The following SLIT2 variants were observed in gnomAD, a reference collection of about 807,000 sequenced individuals.
The protein encoded by SLIT2 is slit guidance ligand 2.
SLIT2 carries 41 observed loss-of-function variants against 185.7 expected under a neutral mutation model. The observed-to-expected ratio is 0.22, with a 90% CI of 0.17 to 0.29. The LOEUF (loss-of-function observed/expected upper bound fraction) is 0.29, where lower values mean the gene tolerates loss of function less well. Among genes scored for constraint, SLIT2 ranks in the 10% least tolerant of loss-of-function variants. The pLI is 1.00. For missense variants in SLIT2, 1,571 were observed against 1,909.0 expected, an observed-to-expected ratio of 0.82 and a Z score of 3.30; for synonymous variants, 693 against 680.2, an observed-to-expected ratio of 1.02 and a Z score of -0.29.
chr4:20,472,613 T>TATATCGATATATATAG (rs1715641431), intron 5 of SLIT2, among the ~76,000 whole-genome samples: 2 of 104,330 alleles, frequency 1.9e-5, no homozygotes, highest in African/African-American at 7.8e-5. Context: ...GATATATCTA[T>TATATCGATATATATAG]ATATATCGAT....
rs550048974 is a variant in SLIT2, at chr4:20,301,872, C to T, written c.395+32991C>T. 2.8e-4 allele frequency among the ~76,000 whole-genome samples: 42 copies of T among 152,194 alleles called. 1 individual carries two copies. In the East Asian group the frequency reaches 2.9e-3, roughly 11 times the overall value. On this transcript the variant is annotated intron_variant, in intron 4 of 36. Transcript: ENST00000504154. ...CTCCCTAACTATGCTAGACAGTGAT[C>T]GGGCTAAATGTTCATCAGGCTCAAT...
intron 4 of SLIT2, among the ~76,000 whole-genome samples, chr4:20,304,360 G>A (rs1717339786): frequency 6.6e-6 from 1 of 152,148 alleles, no homozygotes; most frequent in Admixed American, 6.6e-5. Flanking sequence ...GTAATACAGA[G>A]TGTATTTGCA....
At chr4:20,518,924 C>T (rs560651140) in intron 11 of SLIT2, among the ~76,000 whole-genome samples, 20 of 151,952 alleles carry the variant, frequency 1.3e-4, no homozygotes, top group African/African-American at 4.8e-4. Context: ...ATTTTTAAAA[C>T]AAAACTAACA....
At position 20,254,988 on chromosome 4, in the gene SLIT2, G is replaced by A; in HGVS notation, c.179+994G>A. On this transcript the variant is annotated intron_variant, in intron 1 of 36. Coordinates refer to ENST00000504154, the MANE Select transcript of SLIT2 (RefSeq NM_004787.4). The surrounding 1 kb of genome is among the most constrained non-coding windows in gnomAD (Gnocchi z 5.1). ...ACGGCCCACGCGCTCCTGATGAGGC[G>A]CTTCCAGAGTTCAGCGAAGTGGAGC... 1 of 456,314 alleles carries A rather than the reference G, an allele frequency of 2.2e-6. No homozygotes were observed. Among genetic ancestry groups the A allele is most frequent in the Non-Finnish European group, 4.4e-6 (1 of 226,978 alleles). 28.3% of individuals were successfully genotyped at this position (456,314 alleles called of 1,614,324 possible).
Position 20,553,934 on chromosome 4 carries a change from A to C in SLIT2, c.2691A>C (p.Leu897Phe). The C allele has an allele frequency of 6.2e-7, 1 of 1,606,316 alleles. No homozygotes were observed. The highest frequency in any genetic ancestry group is 8.5e-7 in the Non-Finnish European group (1 of 1,177,812). Reference sequence around the variant, plus strand: ...CTGGAGAAATGGCAGATAAACTTTTACTCACAACTCCCTCCAAAAAATTTA... The same window carrying C: ...CTGGAGAAATGGCAGATAAACTTTTCCTCACAACTCCCTCCAAAAAATTTA... ...AGPGEMADKL[L>F]LTTPSKKFTC... The change falls in exon 26 of 37, where the codon TTA (leucine) becomes TTC (phenylalanine). Residue 897 changes from leucine (L) to phenylalanine (F), a missense_variant. Coordinates refer to ENST00000504154, the MANE Select transcript of SLIT2 (RefSeq NM_004787.4).
intron 4 of SLIT2, among the ~76,000 whole-genome samples, chr4:20,388,350 A>G (rs1725097308): frequency 6.6e-6 from 1 of 152,188 alleles, no homozygotes; most frequent in African/African-American, 2.4e-5. Flanking sequence ...AAAACTCACA[A>G]ATAAGAGCAA....
intron 4 of SLIT2, among the ~76,000 whole-genome samples, chr4:20,359,166 G>C (rs945050611): frequency 2.6e-5 from 4 of 152,120 alleles, no homozygotes; most frequent in Non-Finnish European, 5.9e-5. Context: ...TATGAAGGCA[G>C]AGTATAATAT....
intron 9 of SLIT2, among the ~76,000 whole-genome samples, chr4:20,506,424 T>G (rs965540126): frequency 6.6e-6 from 1 of 151,960 alleles, no homozygotes; most frequent in African/African-American, 2.4e-5. Flanking sequence ...GGATTCAAAT[T>G]TGCACTCTAT....
At chr4:20,337,310 G>A (rs1314257714) in intron 4 of SLIT2, among the ~76,000 whole-genome samples, 1 of 152,142 alleles carries the variant, frequency 6.6e-6, no homozygotes, top group Non-Finnish European at 1.5e-5. Context: ...AAGCTTGTGT[G>A]GGGAAACTCC....
intron 3 of SLIT2, among the ~76,000 whole-genome samples, chr4:20,262,835 A>G (rs1284233828): frequency 2.0e-5 from 3 of 151,932 alleles, no homozygotes; most frequent in African/African-American, 7.2e-5. Context: ...TTAGCAGAAC[A>G]TTGAATCCAT....
chr4:20,255,166 C>A, intron 1 of SLIT2: 1 of 400,720 alleles, frequency 2.5e-6, no homozygotes. Context: ...TGGATTCGTC[C>A]CGCGGCCTCT....
At chr4:20,324,562 T>C (rs551361958) in intron 4 of SLIT2, among the ~76,000 whole-genome samples, 1 of 152,248 alleles carries the variant, frequency 6.6e-6, no homozygotes, top group South Asian at 2.1e-4. Context: ...AAGAGATCTG[T>C]TGTACAGCGT....
intron 8 of SLIT2, among the ~76,000 whole-genome samples, chr4:20,491,117 C>T (rs1277981045): frequency 6.6e-6 from 1 of 152,042 alleles, no homozygotes; most frequent in Non-Finnish European, 1.5e-5. Flanking sequence ...CTACTTATAC[C>T]AAAATTTAAA....
At chr4:20,359,219 G>A (rs1002088320) in intron 4 of SLIT2, among the ~76,000 whole-genome samples, 3 of 152,070 alleles carry the variant, frequency 2.0e-5, no homozygotes, top group South Asian at 2.1e-4. Flanking sequence ...TTTTGAATGG[G>A]GTCTGGAGGG....
chr4:20,529,084 A>G lies in SLIT2; in HGVS notation c.1598A>G (p.Gln533Arg), dbSNP rs1721556194. 6.2e-7 allele frequency: 1 copy of G among 1,612,740 alleles called. No homozygotes were observed. Among genetic ancestry groups the G allele is most frequent in the Non-Finnish European group, 8.5e-7 (1 of 1,179,154 alleles). Residue 533 changes from glutamine (Q) to arginine (R), a missense_variant, in exon 16 of 37, where the codon CAG becomes CGG. Physicochemically the swap from Gln to Arg is conservative, Grantham distance 43. This residue lies in a region of SLIT2 where 1,202 missense variants were observed against 1,416.4 expected (regional missense o/e 0.85). Coordinates refer to ENST00000504154, the MANE Select transcript of SLIT2 (RefSeq NM_004787.4). ...KLNKIPEHIP[Q>R]YTAELRLNNN... is the part of the protein sequence containing the mutation. ...AACAAAATCCCGGAGCACATTCCCC[A>G]GTACACTGCAGAGTTGTAAGTTCAT...
At chr4:20,413,839 A>G (rs1033647066) in intron 4 of SLIT2, among the ~76,000 whole-genome samples, 2 of 151,824 alleles carry the variant, frequency 1.3e-5, no homozygotes, top group Non-Finnish European at 2.9e-5. Context: ...ATCTAGGTAT[A>G]TCATGTTTTT....
intron 4 of SLIT2, among the ~76,000 whole-genome samples, chr4:20,280,395 T>G (rs2109054376): frequency 6.6e-6 from 1 of 151,906 alleles, no homozygotes; most frequent in Admixed American, 6.6e-5. Context: ...CTAGTTACAT[T>G]CCTAGCTCTG....
chr4:20,490,702 A>G lies in SLIT2; in HGVS notation c.776-1059A>G, dbSNP rs1158564387. The G allele has an allele frequency of 8.4e-6, 7 of 835,094 alleles. No individual in the cohort carries two copies. The Admixed American group carries it at 8.7e-5, about 10-fold the overall frequency. The allele number at this position is 835,094 out of a possible 1,614,324, so 51.7% of individuals were successfully genotyped here. ...TGTATAATATCATGGAATGTTCTCA[A>G]TATGTCTGATTGCTTTTTTAAAAAA... On this transcript the variant is annotated intron_variant, in intron 8 of 36. Coordinates refer to ENST00000504154, the MANE Select transcript of SLIT2 (RefSeq NM_004787.4).
chr4:20,352,312 A>G (rs1467593826), intron 4 of SLIT2, among the ~76,000 whole-genome samples: 1 of 151,398 alleles, frequency 6.6e-6, no homozygotes, highest in Non-Finnish European at 1.5e-5. Context: ...TTTTTTTATT[A>G]TAACAGATAT....
Sources: gnomAD v4.1 joint callset for allele counts (sites outside exome capture counted in the v4.1 genomes callset) on GRCh38, gnomAD v4.1.1 for gene constraint, gnomAD v4.1.1 regional missense constraint, Gnocchi (gnomAD v3.1) non-coding constraint, MANE v1.5 for transcripts, NCBI Gene and HGNC (gene_info 2026-07-23, HGNC 2026-07-21) for gene names.